DYRK1A: variants seen among roughly 807,000 people sequenced by gnomAD.
DYRK1A encodes dual specificity tyrosine-phosphorylation-regulated kinase 1A.
Under a neutral mutation model 79.7 loss-of-function variants are expected in DYRK1A, and 9 were observed. That is an observed-to-expected ratio of 0.11 (90% CI 0.07 to 0.20). The LOEUF (loss-of-function observed/expected upper bound fraction) is 0.20. Ranked by LOEUF, DYRK1A falls within the 10% of genes least tolerant of loss-of-function variation. The probability of loss-of-function intolerance (pLI) is 1.00; values close to 1 mark genes in which losing one functional copy is unlikely to be tolerated. For missense variants in DYRK1A, 622 were observed against 956.0 expected (o/e 0.65, Z 4.61); for synonymous variants, 349 against 329.7 (o/e 1.06, Z -0.63).
rs1047952247 is a variant in DYRK1A at position 37,518,215 on chromosome 21, C to T, written c.*5684C>T. On this transcript the variant is annotated 3_prime_UTR_variant, in exon 12 of 12. Coordinates refer to ENST00000647188, the MANE Select transcript of DYRK1A (RefSeq NM_001347721.2). Reference sequence around the variant, plus strand: ...GGAAAAGCGGAATGCAGTGAAATAGCATGAGAAAGAGCGTTTTTATGTACA... The same window carrying T: ...GGAAAAGCGGAATGCAGTGAAATAGTATGAGAAAGAGCGTTTTTATGTACA... The T allele has an allele frequency of 2.0e-5, 3 of 152,212 alleles. No homozygotes were observed. Among genetic ancestry groups the T allele is most frequent in the Admixed American group, 6.5e-5 (1 of 15,288 alleles). 9.4% of individuals were successfully genotyped at this position (152,212 alleles called of 1,614,324 possible).
At chr21:37,476,593 C>T (rs2148565807) in intron 3 of DYRK1A, among the ~76,000 whole-genome samples, 1 of 152,272 alleles carries the variant, frequency 6.6e-6, no homozygotes, top group Non-Finnish European at 1.5e-5. Flanking sequence ...TAAGGGAAAC[C>T]TTTCATCACC....
At chr21:37,488,826 C>G (rs965095545) in intron 6 of DYRK1A, 1 of 985,178 alleles carries the variant, frequency 1.0e-6, no homozygotes, top group African/African-American at 1.7e-5. Flanking sequence ...CCTGCTTAAC[C>G]AGGAGATTAA....
intron 2 of DYRK1A, among the ~76,000 whole-genome samples, chr21:37,440,800 G>T (rs535035792): frequency 5.9e-4 from 90 of 152,228 alleles, no homozygotes; most frequent in African/African-American, 2.1e-3. Flanking sequence ...ATTTATTAGG[G>T]TTTGTTTTGT....
chr21:37,378,980 T>TGTGG (rs1467283275), intron 1 of DYRK1A, among the ~76,000 whole-genome samples: 4 of 151,984 alleles, frequency 2.6e-5, no homozygotes, highest in Non-Finnish European at 5.9e-5. Context: ...GAGGAAGTCA[T>TGTGG]GTGGGCAATG....
chr21:37,420,588 A>T (rs982697725), intron 2 of DYRK1A, among the ~76,000 whole-genome samples: 4 of 152,154 alleles, frequency 2.6e-5, no homozygotes, highest in Non-Finnish European at 4.4e-5. Flanking sequence ...TGTTATTACA[A>T]ATACAGCATA....
chr21:37,440,263 G>A (rs2051062287), intron 2 of DYRK1A, among the ~76,000 whole-genome samples: 1 of 149,964 alleles, frequency 6.7e-6, no homozygotes, highest in Non-Finnish European at 1.5e-5. Context: ...AGCCTCCTGA[G>A]TAGCTGGGAC....
rs199606516 is a variant in DYRK1A at position 37,459,862 on chromosome 21, T to TC, written c.11-12819dup. Among the ~76,000 whole-genome samples, 749 of 152,302 alleles carry TC rather than the reference T, an allele frequency of 4.9e-3. 5 individuals are homozygous for TC. The highest frequency in any genetic ancestry group is 0.017 in the African/African-American group (716 of 41,564). Reference sequence around the variant, plus strand: ...TGATCAGAAATAAGTTTCGTTTTTTTCCCGCAAAGGACTGGAGTGAGTGGG... The same window carrying TC: ...TGATCAGAAATAAGTTTCGTTTTTTTCCCCGCAAAGGACTGGAGTGAGTGGG... On this transcript the variant is annotated intron_variant, in intron 2 of 11. Transcript: ENST00000647188.
chr21:37,435,443 C>T (rs1212793093), intron 2 of DYRK1A, among the ~76,000 whole-genome samples: 2 of 152,120 alleles, frequency 1.3e-5, no homozygotes, highest in African/African-American at 2.4e-5. Context: ...CCACTCACTG[C>T]GGGCAGGCGG....
At chr21:37,430,743 G>T (rs1013224694) in intron 2 of DYRK1A, among the ~76,000 whole-genome samples, 3 of 152,196 alleles carry the variant, frequency 2.0e-5, no homozygotes, top group Non-Finnish European at 4.4e-5. Flanking sequence ...TCTAGTCCTG[G>T]TGCAGGTGGC....
At chr21:37,501,163 T>C (rs937036656) in intron 9 of DYRK1A, among the ~76,000 whole-genome samples, 1 of 146,532 alleles carries the variant, frequency 6.8e-6, no homozygotes, top group African/African-American at 2.5e-5. Flanking sequence ...TTTGTTGTTG[T>C]TGGTTTTTTT....
At chr21:37,405,397 C>T (rs538710032) in intron 1 of DYRK1A, among the ~76,000 whole-genome samples, 3 of 152,274 alleles carry the variant, frequency 2.0e-5, no homozygotes, top group Middle Eastern at 3.4e-3. Context: ...CTATAGGGAG[C>T]GAGTCAAGTC....
At position 37,519,750 on chromosome 21, in the gene DYRK1A, T is replaced by TGTTTTGTTTTGTTTTGTTTTGTTTTG. The variant is rs1569413814; in HGVS notation, c.*7219_*7220insGTTTTGTTTTGTTTTGTTTTGTTTTG. ...TGTTGTGGGAAGTTTTTTTTTTTTT[T>TGTTTTGTTTTGTTTTGTTTTGTTTTG]TTTTTTTTTGAGGCGGAGTCTCGCT... On this transcript the variant is annotated 3_prime_UTR_variant, in exon 12 of 12. Transcript: ENST00000647188. 1 of 140,722 alleles carries TGTTTTGTTTTGTTTTGTTTTGTTTTG rather than the reference T, an allele frequency of 7.1e-6. No individual in the cohort carries two copies. Among genetic ancestry groups the TGTTTTGTTTTGTTTTGTTTTGTTTTG allele is most frequent in the African/African-American group, 2.9e-5 (1 of 34,080 alleles). The allele number at this position is 140,722 out of a possible 1,614,324, so 8.7% of individuals were successfully genotyped here.
chr21:37,464,032 A>G (rs2051940598), intron 2 of DYRK1A, among the ~76,000 whole-genome samples: 1 of 152,250 alleles, frequency 6.6e-6, no homozygotes, highest in South Asian at 2.1e-4. Flanking sequence ...CACATTACTA[A>G]CAAAGAAATT....
chr21:37,417,977 T>C (rs1354283222), intron 1 of DYRK1A, among the ~76,000 whole-genome samples: 2 of 152,190 alleles, frequency 1.3e-5, no homozygotes, highest in African/African-American at 4.8e-5. Flanking sequence ...AAAAATATAC[T>C]CTATATTTTT....
intron 11 of DYRK1A, among the ~76,000 whole-genome samples, chr21:37,509,724 G>A (rs13049853): frequency 0.55 from 84,000 of 152,072 alleles, 23,917 homozygotes; most frequent in African/African-American, 0.7. Context: ...CTTGGCCACC[G>A]GTCCCCTATT....
intron 1 of DYRK1A, among the ~76,000 whole-genome samples, chr21:37,407,373 G>A (rs1031939083): frequency 2.0e-5 from 3 of 152,116 alleles, no homozygotes; most frequent in African/African-American, 4.8e-5. Flanking sequence ...TTCACTGGTG[G>A]CATCATGTCT....
intron 4 of DYRK1A, among the ~76,000 whole-genome samples, chr21:37,480,314 C>G (rs942315238): frequency 6.6e-6 from 1 of 152,054 alleles, no homozygotes; most frequent in African/African-American, 2.4e-5. Flanking sequence ...TGTCAAAATT[C>G]CTCATGTTGA....
chr21:37,479,941 A>T (rs1340065773), intron 4 of DYRK1A, among the ~76,000 whole-genome samples: 2 of 152,028 alleles, frequency 1.3e-5, no homozygotes, highest in Admixed American at 6.6e-5. Flanking sequence ...ATCAGTGTTA[A>T]AGAAAATAAC....
intron 1 of DYRK1A, among the ~76,000 whole-genome samples, chr21:37,383,133 A>G (rs962826839): frequency 6.6e-6 from 1 of 152,232 alleles, no homozygotes; most frequent in Non-Finnish European, 1.5e-5. Context: ...TGCCTACCTC[A>G]GAGGCCAGTG....
Sources: gnomAD v4.1 joint callset for allele counts (sites outside exome capture counted in the v4.1 genomes callset) on GRCh38, gnomAD v4.1.1 for gene constraint, MANE v1.5 for transcripts, NCBI Gene and HGNC (gene_info 2026-07-23, HGNC 2026-07-21) for gene names.